PAX8: variants seen among roughly 807,000 people sequenced by gnomAD.
The protein encoded by PAX8 is paired box 8, also known as paired box protein Pax-8.
In PAX8, 15 loss-of-function variants were observed where a neutral mutation model predicts 52.4. That is an observed-to-expected ratio of 0.29 (90% CI 0.19 to 0.44). The LOEUF is 0.44. Among genes scored for constraint, PAX8 ranks in the 20% least tolerant of loss-of-function variants. PAX8 has a pLI of 1.00. For missense variants in PAX8, 554 were observed against 602.5 expected, an observed-to-expected ratio of 0.92 and a Z score of 0.84; for synonymous variants, 284 against 249.7, an observed-to-expected ratio of 1.14 and a Z score of -1.29.
rs1689570830 is a variant in PAX8 at position 113,226,398 on chromosome 2, C to T, written c.1189+757G>A. 2.2e-5 allele frequency: 22 copies of T among 985,846 alleles called. No individual in the cohort carries two copies. The South Asian group carries it at 8.4e-4, about 38-fold the overall frequency. The allele number at this position is 985,846 out of a possible 1,614,324, so 61.1% of individuals were successfully genotyped here. On this transcript the variant is annotated intron_variant, in intron 10 of 11. Transcript: ENST00000429538. ...ATCCCAAAGTCTTCCCTACATGGCTCCTAAAAAATTGAGACTTGCCCAAGG... is the reference window on the plus strand; with the variant it reads ...ATCCCAAAGTCTTCCCTACATGGCTTCTAAAAAATTGAGACTTGCCCAAGG...
chr2:113,218,627 A>C lies in PAX8; in HGVS notation c.1277-18T>G. The C allele has an allele frequency of 1.3e-6, 2 of 1,510,790 alleles. No homozygotes were observed. Among genetic ancestry groups the C allele is most frequent in the East Asian group, 2.5e-5 (1 of 40,746 alleles). The allele number at this position is 1,510,790 out of a possible 1,614,324, so 93.6% of individuals were successfully genotyped here. On this transcript the variant is annotated intron_variant, in intron 11 of 11. Transcript: ENST00000429538. ...TGGGGAACCTGGACACATTAAAAAA[A>C]AATAACAACAACACTGCTGGTCAGA... is the stretch of plus-strand genomic sequence containing the variant.
At chr2:113,261,084 G>A (rs1692644260) in intron 2 of PAX8, among the ~76,000 whole-genome samples, 1 of 152,102 alleles carries the variant, frequency 6.6e-6, no homozygotes, top group Admixed American at 6.5e-5. Flanking sequence ...TCGATAGCAG[G>A]CACCATGGCG....
At chr2:113,247,024 T>C (rs1233949980) in intron 2 of PAX8, 105 bp from the exon 3 acceptor site, 5 of 1,126,598 alleles carry the variant, frequency 4.4e-6, no homozygotes, top group Non-Finnish European at 6.6e-6. Context: ...TGTTTGACTG[T>C]GACCATGAAA....
chr2:113,229,740 A>T (rs1480795319), intron 9 of PAX8, among the ~76,000 whole-genome samples: 1 of 152,200 alleles, frequency 6.6e-6, no homozygotes. Context: ...AGAATACAAC[A>T]CAATCGACCC....
chr2:113,218,877 G>A (rs1005641240), intron 11 of PAX8, among the ~76,000 whole-genome samples: 4 of 152,188 alleles, frequency 2.6e-5, no homozygotes, highest in African/African-American at 9.7e-5. Context: ...CGTTGCAATA[G>A]GGAGAGGGCA....
intron 2 of PAX8, among the ~76,000 whole-genome samples, chr2:113,254,131 T>A (rs917312163): frequency 5.9e-5 from 9 of 152,218 alleles, no homozygotes; most frequent in African/African-American, 1.9e-4. Flanking sequence ...CCTAAATATT[T>A]ACCTAACCAA....
At chr2:113,269,198 C>T (rs1263303647) in intron 2 of PAX8, 3 of 152,270 alleles carry the variant, frequency 2.0e-5, no homozygotes, top group African/African-American at 7.2e-5. Context: ...GCACTTCTAC[C>T]TACAGCCCTG....
intron 2 of PAX8, chr2:113,272,407 C>A (rs1693522007): frequency 6.6e-6 from 1 of 152,156 alleles, no homozygotes; most frequent in Non-Finnish European, 1.5e-5. Flanking sequence ...CTTTCAGCAA[C>A]CCAAACAGTC....
intron 2 of PAX8, among the ~76,000 whole-genome samples, chr2:113,263,649 T>C (rs1692849903): frequency 6.6e-6 from 1 of 152,150 alleles, no homozygotes; most frequent in South Asian, 2.1e-4. Flanking sequence ...TGCATTCAAA[T>C]CTGATCTGCT....
At position 113,254,190 on chromosome 2, in the gene PAX8, C is replaced by T. The variant is rs528348928; in HGVS notation, c.26-7271G>A. 2.0e-5 allele frequency among the ~76,000 whole-genome samples: 3 copies of T among 152,304 alleles called. No individual in the cohort carries two copies. In the East Asian group the frequency reaches 5.8e-4, roughly 29 times the overall value. ...TTCAAATATTCCTGCATTCATTTAT[C>T]CATTCTACATGTATTTTATATGCCT... On this transcript the variant is annotated intron_variant, in intron 2 of 11. Transcript: ENST00000429538.
In PAX8 at chr2:113,235,415, T is replaced by G. The variant is rs772655672; in HGVS notation, c.1066A>C (p.Thr356Pro). 6.3e-7 allele frequency: 1 copy of G among 1,594,170 alleles called. No individual in the cohort carries two copies. The highest frequency in any genetic ancestry group is 1.3e-5 in the African/African-American group (1 of 74,518). ...PHAASVYGQF[T>P]GQALLSGREM... ...GTACCTGAGAGGAGGGCCTGGCCCG[T>G]GAACTGCCCGTACACGGAGGCAGCA... Residue 356 changes from threonine to proline, a missense_variant, in exon 9 of 12, where the codon ACG becomes CCG. Around this residue, in one of 2 missense-constraint regions of PAX8, gnomAD observed 445 missense variants for 409.9 expected, o/e 1.09. Transcript: ENST00000429538.
intron 2 of PAX8, among the ~76,000 whole-genome samples, chr2:113,260,673 G>A (rs1389296835): frequency 6.6e-6 from 1 of 152,100 alleles, no homozygotes; most frequent in Non-Finnish European, 1.5e-5. Flanking sequence ...TGAATATAAT[G>A]AAGTCACATA....
chr2:113,245,036 G>A (rs1391112731), intron 3 of PAX8, among the ~76,000 whole-genome samples: 1 of 137,610 alleles, frequency 7.3e-6, no homozygotes, highest in African/African-American at 2.8e-5. Context: ...CACGACTGAG[G>A]TTTTTTTTGT....
intron 10 of PAX8, among the ~76,000 whole-genome samples, chr2:113,221,134 T>G (rs950824340): frequency 4.6e-5 from 7 of 152,114 alleles, no homozygotes; most frequent in South Asian, 2.1e-4. Context: ...GAAACTGGAG[T>G]GCAGCATGAT....
chr2:113,236,471 C>A, intron 8 of PAX8, 130 bp downstream of exon 8: 1 of 1,083,580 alleles, frequency 9.2e-7, no homozygotes. Flanking sequence ...CCCCTGGGCC[C>A]ACCTGGCGGC....
rs866836744 is a variant in PAX8, at chr2:113,278,457, G to T, written c.-63C>A. 3.7e-4 allele frequency: 601 copies of T among 1,604,388 alleles called. 8 individuals carry two copies. The Middle Eastern group carries it at 4.6e-3, about 12-fold the overall frequency. On this transcript the variant is annotated 5_prime_UTR_variant, in exon 2 of 12. Transcript: ENST00000429538. ...GCTTCCTCCCGTAGGTCCGGGCCGC[G>T]CCTGCCGCTGCCCTGCACAAACCCA...
At chr2:113,228,220 T>C (rs1212737214) in intron 9 of PAX8, among the ~76,000 whole-genome samples, 1 of 152,222 alleles carries the variant, frequency 6.6e-6, no homozygotes, top group Admixed American at 6.5e-5. Flanking sequence ...ATTGCTCCTG[T>C]GTCCTGCAGG....
At chr2:113,224,412 T>C (rs1403901449) in intron 10 of PAX8, among the ~76,000 whole-genome samples, 1 of 151,578 alleles carries the variant, frequency 6.6e-6, no homozygotes, top group Non-Finnish European at 1.5e-5. Flanking sequence ...CCAGGTGTGG[T>C]GGTGGGTCCC....
chr2:113,274,716 A>G (rs1029566156), intron 2 of PAX8: 1 of 152,242 alleles, frequency 6.6e-6, no homozygotes. Flanking sequence ...ATTACAGAAC[A>G]AGGATGACTA....
Sources: allele counts gnomAD v4.1 joint callset (sites outside exome capture counted in the v4.1 genomes callset), GRCh38; gene constraint gnomAD v4.1.1; regional missense constraint gnomAD v4.1.1; transcripts MANE v1.5; gene names NCBI Gene and HGNC (gene_info 2026-07-23, HGNC 2026-07-21).